SASH1: variants seen among roughly 807,000 people sequenced by gnomAD.
The protein encoded by SASH1 is SAM and SH3 domain-containing protein 1.
In SASH1, 44 loss-of-function variants were observed where a neutral mutation model predicts 125.2. The observed-to-expected ratio is 0.35, with a 90% CI of 0.28 to 0.45. SASH1 has a LOEUF of 0.45. Ranked by LOEUF, SASH1 falls within the 20% of genes least tolerant of loss-of-function variation. The pLI is 1.00. For synonymous variants in SASH1, 639 were observed against 649.1 expected, an observed-to-expected ratio of 0.98 and a Z score of 0.24; for missense variants, 1,426 against 1,614.5, an observed-to-expected ratio of 0.88 and a Z score of 2.00.
intron 1 of SASH1, among the ~76,000 whole-genome samples, chr6:148,305,863 G>A (rs9497999): frequency 0.084 from 12,830 of 152,110 alleles, 755 homozygotes; most frequent in African/African-American, 0.17. Context: ...TCGAGGAAAC[G>A]GTTGTTAAAT....
At chr6:148,217,838 C>T in the SASH1 span, among the ~76,000 whole-genome samples, 8 of 146,940 alleles carry the variant, frequency 5.4e-5, no homozygotes, top group South Asian at 1.7e-3. Context: ...ATAGTGAGAT[C>T]CCATCTCTAA....
chr6:148,434,567 A>G (rs1776216128), intron 2 of SASH1, among the ~76,000 whole-genome samples: 1 of 152,098 alleles, frequency 6.6e-6, no homozygotes, highest in Non-Finnish European at 1.5e-5. Context: ...TCACTGTTAC[A>G]CTTAACTTGG....
Position 148,392,982 on chromosome 6 carries a change from A to G in SASH1, c.285+2720A>G, listed in dbSNP as rs531367064. Among the ~76,000 whole-genome samples the G allele has an allele frequency of 1.1e-4, 16 of 152,102 alleles. No individual in the cohort carries two copies. The East Asian group carries it at 3.1e-3, about 29-fold the overall frequency. On this transcript the variant is annotated intron_variant, in intron 2 of 19. Coordinates refer to ENST00000367467, the MANE Select transcript of SASH1 (RefSeq NM_015278.5). ...GAAAAAATACTCTCATTTTGGCAAGATTACCACAGGACAACTTAAATAAAT... is the reference window on the plus strand; with the variant it reads ...GAAAAAATACTCTCATTTTGGCAAGGTTACCACAGGACAACTTAAATAAAT...
At chr6:148,296,539 T>C (rs1310748252) in intron 1 of SASH1, among the ~76,000 whole-genome samples, 1 of 152,234 alleles carries the variant, frequency 6.6e-6, no homozygotes, top group Non-Finnish European at 1.5e-5. Flanking sequence ...CATGTAACTC[T>C]ATGGGATTCA....
At chr6:148,444,510 G>A (rs115898906) in intron 4 of SASH1, among the ~76,000 whole-genome samples, 2,223 of 152,274 alleles carry the variant, frequency 0.015, 39 homozygotes, top group African/African-American at 0.047. Context: ...GTAAGTAGGT[G>A]TGTGGAAAGA....
chr6:148,461,462 A>C (rs1235373791), intron 4 of SASH1, among the ~76,000 whole-genome samples: 1 of 152,234 alleles, frequency 6.6e-6, no homozygotes, highest in Admixed American at 6.5e-5. Context: ...AGATTTTGGC[A>C]ATAGAATTGC....
At chr6:148,389,779 T>C (rs1211134647) in intron 1 of SASH1, among the ~76,000 whole-genome samples, 2 of 152,220 alleles carry the variant, frequency 1.3e-5, no homozygotes, top group Non-Finnish European at 2.9e-5. Flanking sequence ...GTGTTTCCTC[T>C]CTTAGCCCTG....
the SASH1 span, among the ~76,000 whole-genome samples, chr6:148,226,458 T>G: frequency 6.6e-6 from 1 of 152,216 alleles, no homozygotes; most frequent in Non-Finnish European, 1.5e-5. Flanking sequence ...TCATTATATA[T>G]GTGCATTTGT....
chr6:148,536,180 C>T (rs918731295), intron 16 of SASH1, among the ~76,000 whole-genome samples: 3 of 152,118 alleles, frequency 2.0e-5, no homozygotes, highest in Non-Finnish European at 4.4e-5. Flanking sequence ...GGCCAGGTTG[C>T]GTGTAAAGAG....
intron 2 of SASH1, among the ~76,000 whole-genome samples, chr6:148,399,945 C>T (rs1338732210): frequency 6.6e-6 from 1 of 152,194 alleles, no homozygotes. Flanking sequence ...TCAGTCTTTA[C>T]ATTTAACAAT....
chr6:148,286,400 C>CAA (rs542230449), intron 1 of SASH1, among the ~76,000 whole-genome samples: 36 of 115,682 alleles, frequency 3.1e-4, no homozygotes, highest in Admixed American at 2.6e-4. Context: ...GACTCCATCT[C>CAA]AAAAAAAAAA....
chr6:148,340,197 G>A (rs1313094038), upstream of SASH1, among the ~76,000 whole-genome samples: 4 of 152,078 alleles, frequency 2.6e-5, no homozygotes, highest in African/African-American at 9.7e-5. Flanking sequence ...ATTTAAGAAA[G>A]TACCAGGCCA....
intron 8 of SASH1, chr6:148,508,742 A>T: frequency 8.0e-7 from 1 of 1,249,210 alleles, no homozygotes; most frequent in Non-Finnish European, 1.0e-6. Context: ...GACATGTTCC[A>T]GGAGTGCCTA....
chr6:148,255,512 A>G, the SASH1 span, among the ~76,000 whole-genome samples: 1 of 152,226 alleles, frequency 6.6e-6, no homozygotes, highest in Non-Finnish European at 1.5e-5. Context: ...AAGTCAGTCT[A>G]TAACATCCTC....
intron 1 of SASH1, among the ~76,000 whole-genome samples, chr6:148,347,327 A>G (rs1781552793): frequency 6.6e-6 from 1 of 152,090 alleles, no homozygotes; most frequent in African/African-American, 2.4e-5. Context: ...TGTTTCTACA[A>G]TTTACACCCA....
chr6:148,427,955 G>C (rs1414476868), intron 2 of SASH1, among the ~76,000 whole-genome samples: 2 of 152,200 alleles, frequency 1.3e-5, no homozygotes, highest in Non-Finnish European at 2.9e-5. Flanking sequence ...ACTTCTTCAG[G>C]AATTTTCCAT....
the SASH1 span, among the ~76,000 whole-genome samples, chr6:148,210,938 A>G: frequency 2.0e-5 from 3 of 152,226 alleles, no homozygotes; most frequent in Non-Finnish European, 4.4e-5. Flanking sequence ...TATAAAATTT[A>G]AAGTTCTGTT....
intron 7 of SASH1, 146 bp from the exon 8 acceptor site, chr6:148,487,468 A>G: frequency 1.7e-6 from 1 of 590,048 alleles, no homozygotes; most frequent in Non-Finnish European, 3.0e-6. Flanking sequence ...GGCATGAAGA[A>G]GGTACCCAAA....
chr6:148,324,110 A>T (rs2493909), intron 1 of SASH1, among the ~76,000 whole-genome samples: 1 of 123,024 alleles, frequency 8.1e-6, no homozygotes, highest in Non-Finnish European at 1.6e-5. Context: ...CAGAGCAAGA[A>T]TCTGTCTCAA....
Sources: gnomAD v4.1 joint callset for allele counts (sites outside exome capture counted in the v4.1 genomes callset) on GRCh38, gnomAD v4.1.1 for gene constraint, MANE v1.5 for transcripts, NCBI Gene and HGNC (gene_info 2026-07-23, HGNC 2026-07-21) for gene names.